PRKDC: variants seen among roughly 807,000 people sequenced by gnomAD.
The protein encoded by PRKDC is protein kinase, DNA-activated, catalytic subunit.
In PRKDC, 82 loss-of-function variants were observed where a neutral mutation model predicts 486.9. The ratio of observed to expected loss-of-function variants is 0.17; its 90% CI spans 0.14 to 0.20. The LOEUF is 0.20. Ranked by LOEUF, PRKDC falls within the 10% of genes least tolerant of loss-of-function variation. The pLI, the probability that PRKDC is intolerant of heterozygous loss-of-function variation, is 1.00. For synonymous variants in PRKDC, 1,895 were observed against 1,837.0 expected (o/e 1.03, Z -0.81); for missense variants, 4,504 against 5,038.2 (o/e 0.89, Z 3.21).
chr8:47,891,263 C>A (rs138645991), intron 31 of PRKDC, among the ~76,000 whole-genome samples: 1 of 152,174 alleles, frequency 6.6e-6, no homozygotes, highest in Non-Finnish European at 1.5e-5. Flanking sequence ...AGAGTAAAGG[C>A]AACAATTGAG....
chr8:47,934,119 T>C (rs1563811108), intron 14 of PRKDC, 29 bp from the exon 15 acceptor site: 14 of 1,584,148 alleles, frequency 8.8e-6, no homozygotes, highest in African/African-American at 1.4e-5. Flanking sequence ...TGACAATATG[T>C]AGTGATGGAT....
chr8:47,790,511 C>A (rs2086865655), intron 74 of PRKDC, among the ~76,000 whole-genome samples: 1 of 152,132 alleles, frequency 6.6e-6, no homozygotes, highest in African/African-American at 2.4e-5. Flanking sequence ...TCAACACAAT[C>A]CTTATCAAAA....
rs2088370533 is a variant in PRKDC, at chr8:47,850,202, T to C, written c.7006-699A>G. ...GGCAGGAAGCAACGGAAAACACTGC[T>C]GTCCTTCCTGGCTCACCTCCTTCCT... On this transcript the variant is annotated intron_variant, in intron 52 of 85. Transcript: ENST00000314191. Among the ~76,000 whole-genome samples, 4 of 152,176 alleles carry C rather than the reference T, an allele frequency of 2.6e-5. No homozygotes were observed. The South Asian group carries it at 8.3e-4, about 31-fold the overall frequency.
Position 47,881,527 on chromosome 8 carries a change from G to C in PRKDC, c.4963-7C>G, listed in dbSNP as rs1368275730. On this transcript the variant is annotated splice_polypyrimidine_tract_variant and splice_region_variant and intron_variant, in intron 37 of 85. Transcript: ENST00000314191. Reference sequence around the variant, plus strand: ...AAGATACAGATGAATCAATCTAAAGGAAGGAAAAGAAAAACAGGACACATT... The same window carrying C: ...AAGATACAGATGAATCAATCTAAAGCAAGGAAAAGAAAAACAGGACACATT... 1.4e-6 allele frequency: 2 copies of C among 1,395,660 alleles called. No homozygotes were observed. 86.5% of individuals were successfully genotyped at this position (1,395,660 alleles called of 1,614,324 possible). A position where few individuals can be genotyped will look rare whatever the true frequency, so the allele number is the denominator to read the frequency against.
chr8:47,923,561 G>A (rs2090108559), intron 21 of PRKDC, among the ~76,000 whole-genome samples: 1 of 152,212 alleles, frequency 6.6e-6, no homozygotes, highest in Admixed American at 6.5e-5. Context: ...TAGTCAGTGG[G>A]CAAAGAAGGG....
chr8:47,819,580 T>C, intron 66 of PRKDC, 70 bp from the exon 67 acceptor site: 1 of 818,616 alleles, frequency 1.2e-6, no homozygotes, highest in South Asian at 2.4e-5. Context: ...GCTGTGACTT[T>C]AAGTTTTTAA....
intron 60 of PRKDC, 27 bp from the exon 61 acceptor site, chr8:47,830,763 G>A: frequency 6.2e-7 from 1 of 1,613,684 alleles, no homozygotes; most frequent in Non-Finnish European, 8.5e-7. Flanking sequence ...CAAAGAAGAA[G>A]ATGAGCATTC....
chr8:47,799,933 A>C (rs374151856), intron 71 of PRKDC, among the ~76,000 whole-genome samples: 48 of 152,344 alleles, frequency 3.2e-4, no homozygotes, highest in African/African-American at 1.1e-3. Context: ...ATGGGTGGGG[A>C]AATTTAATTA....
chr8:47,954,952 G>C (rs890824699), intron 4 of PRKDC, among the ~76,000 whole-genome samples: 1 of 151,738 alleles, frequency 6.6e-6, no homozygotes, highest in African/African-American at 2.4e-5. Flanking sequence ...TCAGGAGTTC[G>C]AGACCAGTGT....
At chr8:47,896,938 C>T (rs1198932675) in intron 30 of PRKDC, among the ~76,000 whole-genome samples, 2 of 152,222 alleles carry the variant, frequency 1.3e-5, no homozygotes, top group African/African-American at 4.8e-5. Context: ...TCACTGCTTT[C>T]CTTTAATATG....
intron 31 of PRKDC, among the ~76,000 whole-genome samples, chr8:47,891,448 C>T (rs774501514): frequency 1.2e-4 from 19 of 152,138 alleles, no homozygotes; most frequent in African/African-American, 3.1e-4. Context: ...CAGCCGGGCG[C>T]GGTGGCTCAC....
rs1439704999 is a variant in PRKDC, at chr8:47,826,707, C to G, written c.8732G>C (p.Arg2911Pro). Residue 2911 changes from arginine (R) to proline (P), a missense_variant, in exon 63 of 86, where the codon CGT becomes CCT. This residue lies in a region of PRKDC where 1,592 missense variants were observed against 1,724.6 expected (regional missense o/e 0.92). Coordinates refer to ENST00000314191, the MANE Select transcript of PRKDC (RefSeq NM_006904.7). Reference sequence around the variant, plus strand: ...ATCAGGAGGGAGGCGGGCCTTCCCACGGACTCGCTTGGCAGGCAGCTCAGC... The same window carrying G: ...ATCAGGAGGGAGGCGGGCCTTCCCAGGGACTCGCTTGGCAGGCAGCTCAGC... ...LPAELPAKRVRGKARLPPDVL... is the reference protein window; with the variant it reads ...LPAELPAKRVPGKARLPPDVL... 1.9e-6 allele frequency: 3 copies of G among 1,613,296 alleles called. No homozygotes were observed. Among genetic ancestry groups the G allele is most frequent in the South Asian group, 1.1e-5 (1 of 91,020 alleles).
chr8:47,839,934 G>C, intron 55 of PRKDC, 82 bp downstream of exon 55: 2 of 1,105,388 alleles, frequency 1.8e-6, no homozygotes, highest in Admixed American at 2.9e-5. Context: ...CTGTGTTTGT[G>C]CCCCTGTACT....
At position 47,774,066 on chromosome 8, in the gene PRKDC, T is replaced by C. The variant is rs1455177722; in HGVS notation, c.*107A>G. The C allele has an allele frequency of 2.6e-6, 3 of 1,149,356 alleles. No homozygotes were observed. The highest frequency in any genetic ancestry group is 2.4e-6 in the Non-Finnish European group (2 of 832,406). The allele number at this position is 1,149,356 out of a possible 1,614,324, so 71.2% of individuals were successfully genotyped here. ...CTACGAAACTGTAGCACAAAAGACA[T>C]TTCTCTTTAGTGTTTCAGGAAAATC... On this transcript the variant is annotated 3_prime_UTR_variant, in exon 86 of 86. Transcript: ENST00000314191.
rs78673477 is a variant in PRKDC, at chr8:47,925,692, G to A, written c.2419+1502C>T. Among the ~76,000 whole-genome samples the A allele has an allele frequency of 2.8e-3, 422 of 152,282 alleles. 1 individual carries two copies. The highest frequency in any genetic ancestry group is 4.8e-3 in the Non-Finnish European group (329 of 68,030). ...TCCTCACTCTTAAGAAATATACAAT[G>A]AAGTCTTCAAGATCTATGACACCTT... On this transcript the variant is annotated intron_variant, in intron 21 of 85. Coordinates refer to ENST00000314191, the MANE Select transcript of PRKDC (RefSeq NM_006904.7).
At chr8:47,780,918 TAG>T (rs148350215) in intron 80 of PRKDC, among the ~76,000 whole-genome samples, 2 of 151,852 alleles carry the variant, frequency 1.3e-5, no homozygotes, top group Admixed American at 6.6e-5. Flanking sequence ...AGCCTGGTGA[TAG>T]AGAGAGACTC....
chr8:47,864,851 C>T (rs2154500822), intron 40 of PRKDC, 88 bp from the exon 41 acceptor site: 2 of 1,124,306 alleles, frequency 1.8e-6, no homozygotes, highest in Non-Finnish European at 2.4e-6. Context: ...AAAGTAAACA[C>T]CAGTGATTAC....
chr8:47,898,719 A>G, intron 28 of PRKDC, 150 bp from the exon 29 acceptor site: 1 of 499,446 alleles, frequency 2.0e-6, no homozygotes, highest in Non-Finnish European at 3.3e-6. Flanking sequence ...GAATAATAAA[A>G]TTAGATAAAT....
intron 61 of PRKDC, 75 bp from the exon 62 acceptor site, chr8:47,828,422 T>C (rs1260205470): frequency 2.4e-6 from 3 of 1,264,370 alleles, no homozygotes; most frequent in Admixed American, 2.6e-5. Flanking sequence ...CTATCAGAGC[T>C]TGGAAAATAC....
Sources: allele counts gnomAD v4.1 joint callset (sites outside exome capture counted in the v4.1 genomes callset), GRCh38; gene constraint gnomAD v4.1.1; regional missense constraint gnomAD v4.1.1; transcripts MANE v1.5; gene names NCBI Gene and HGNC (gene_info 2026-07-23, HGNC 2026-07-21).